ALDH3B1: variants seen among roughly 807,000 people sequenced by gnomAD.
The protein encoded by ALDH3B1 is aldehyde dehydrogenase 3 family member B1, also known as aldehyde dehydrogenase family 3 member B1.
In ALDH3B1, 37 loss-of-function variants were observed where a neutral mutation model predicts 46.2. The ratio of observed to expected loss-of-function variants is 0.80; its 90% CI spans 0.62 to 1.05. The LOEUF (loss-of-function observed/expected upper bound fraction) is 1.05, where lower values mean the gene tolerates loss of function less well. ALDH3B1 is among the 50% of genes least tolerant of loss of function. ALDH3B1 has a pLI of 0.00. For missense variants in ALDH3B1, 603 were observed against 665.5 expected (o/e 0.91, Z 1.03); for synonymous variants, 283 against 281.0 (o/e 1.01, Z -0.07).
At chr11:68,019,841 C>CCCCTG in intron 6 of ALDH3B1, 45 bp downstream of exon 6, 1 of 1,593,448 alleles carries the variant, frequency 6.3e-7, no homozygotes, top group Non-Finnish European at 8.6e-7. Context: ...TCGGGGAGGA[C>CCCCTG]AGCTGCTCAG....
intron 9 of ALDH3B1, among the ~76,000 whole-genome samples, chr11:68,027,141 G>A (rs964101366): frequency 3.9e-5 from 6 of 152,006 alleles, no homozygotes; most frequent in Admixed American, 2.6e-4. Flanking sequence ...CACACCGCAT[G>A]GCACCCACCT....
intron 2 of ALDH3B1, chr11:68,018,312 G>A (rs769093421): frequency 3.5e-6 from 2 of 572,022 alleles, no homozygotes; most frequent in Non-Finnish European, 3.1e-6. Context: ...TGGAACGACT[G>A]CCCCCTGCAA....
intron 9 of ALDH3B1, 120 bp downstream of exon 9, chr11:68,026,228 G>A (rs976495900): frequency 1.6e-5 from 14 of 870,610 alleles, no homozygotes; most frequent in Non-Finnish European, 2.2e-5. Context: ...AGGCAAGGAG[G>A]CCTCACCCCA....
intron 9 of ALDH3B1, among the ~76,000 whole-genome samples, chr11:68,027,302 C>T (rs931285846): frequency 3.3e-5 from 5 of 152,182 alleles, no homozygotes; most frequent in Non-Finnish European, 5.9e-5. Context: ...CCTGGGGCCT[C>T]GTCTGCCTCC....
chr11:68,027,099 T>A (rs1051078721), intron 9 of ALDH3B1, among the ~76,000 whole-genome samples: 1 of 151,696 alleles, frequency 6.6e-6, no homozygotes, highest in Non-Finnish European at 1.5e-5. Flanking sequence ...CACCTGCTGC[T>A]CCCACAGCCT....
rs1854630516 is a variant in ALDH3B1 at position 68,028,196 on chromosome 11, C to A, written c.*257C>A. The A allele has an allele frequency of 1.6e-5, 11 of 668,084 alleles. No homozygotes were observed. The highest frequency in any genetic ancestry group is 1.6e-4 in the South Asian group (11 of 66,876). 41.4% of individuals were successfully genotyped at this position (668,084 alleles called of 1,614,324 possible). On this transcript the variant is annotated 3_prime_UTR_variant, in exon 10 of 10. Transcript: ENST00000342456. ...CAGTGACTCACCCCCTGCCCCCGCA[C>A]CAACCACCCATATTCAGGAGAAGAG...
intron 1 of ALDH3B1, chr11:68,014,980 C>T (rs1417787253): frequency 9.6e-6 from 3 of 313,536 alleles, no homozygotes; most frequent in African/African-American, 2.1e-5. Context: ...TGCTCACCCT[C>T]GGGGGCTGTG....
chr11:68,023,992 G>A lies in ALDH3B1; in HGVS notation c.1116+1231G>A, dbSNP rs190319593. Among the ~76,000 whole-genome samples the A allele has an allele frequency of 5.5e-4, 83 of 150,370 alleles. 1 individual carries two copies. In the East Asian group the frequency reaches 0.013, roughly 23 times the overall value. On this transcript the variant is annotated intron_variant, in intron 8 of 9. Coordinates refer to ENST00000342456, the MANE Select transcript of ALDH3B1 (RefSeq NM_000694.4). ...CCATAAAAAAAAAAAAAAAGTGACA[G>A]CAGTGCTTTACTATTAACTACACTC... is the stretch of plus-strand genomic sequence containing the variant.
At chr11:68,021,435 C>T (rs547182141) in intron 6 of ALDH3B1, 50 bp from the exon 7 acceptor site, 11 of 1,568,808 alleles carry the variant, frequency 7.0e-6, no homozygotes, top group Middle Eastern at 1.8e-4. Context: ...TGGGCCATCC[C>T]GCCTGGTCCA....
intron 2 of ALDH3B1, 134 bp downstream of exon 2, chr11:68,015,593 G>A: frequency 8.7e-7 from 1 of 1,150,924 alleles, no homozygotes; most frequent in Non-Finnish European, 1.3e-6. Context: ...CTAGGCCAGA[G>A]CCACCCTTGC....
chr11:68,014,217 G>A (rs1857292477), intron 1 of ALDH3B1, among the ~76,000 whole-genome samples: 1 of 152,226 alleles, frequency 6.6e-6, no homozygotes, highest in Non-Finnish European at 1.5e-5. Flanking sequence ...TAAGGGAGAT[G>A]TGGACAGGGT....
rs1854625972 is a variant in ALDH3B1 at position 68,028,058 on chromosome 11, C to T, written c.*119C>T. 1 of 1,353,694 alleles carries T rather than the reference C, an allele frequency of 7.4e-7. No homozygotes were observed. The highest frequency in any genetic ancestry group is 1.0e-6 in the Non-Finnish European group (1 of 957,940). 83.9% of individuals were successfully genotyped at this position (1,353,694 alleles called of 1,614,324 possible). A position where few individuals can be genotyped will look rare whatever the true frequency, so the allele number is the denominator to read the frequency against. ...AGGATTGCCAAGGCTCCAGGGCACC[C>T]CTCAAAGCAGCGCCTGCCTCCTCCC... On this transcript the variant is annotated 3_prime_UTR_variant, in exon 10 of 10. Transcript: ENST00000342456.
At chr11:68,012,579 C>T (rs1490247620) in intron 1 of ALDH3B1, among the ~76,000 whole-genome samples, 1 of 152,202 alleles carries the variant, frequency 6.6e-6, no homozygotes, top group Non-Finnish European at 1.5e-5. Context: ...AAGAGGCAGT[C>T]TCAGACCCCA....
intron 5 of ALDH3B1, 98 bp from the exon 6 acceptor site, chr11:68,019,617 C>T (rs1295598838): frequency 2.1e-5 from 28 of 1,350,956 alleles, no homozygotes; most frequent in African/African-American, 7.2e-5. Flanking sequence ...TCAGGCCAGG[C>T]GGGGTGGAGG....
chr11:68,021,862 C>A lies in ALDH3B1; in HGVS notation c.940C>A (p.Arg314Ser). The part of the protein sequence containing the change: ...AIGGQSDESD[R>S]YIAPTVLVDV... ...TGGGGGCCAGAGCGATGAGAGCGAT[C>A]GCTACATCGGTGAGTCCTGCTGCCC... The change falls in exon 7 of 10, where the codon CGC (arginine) becomes AGC (serine). Residue 314 changes from arginine to serine, a missense_variant. Physicochemically the swap from Arg to Ser is moderately radical, Grantham distance 110. Transcript: ENST00000342456. 2 of 1,604,022 alleles carry A rather than the reference C, an allele frequency of 1.2e-6. No homozygotes were observed. Among genetic ancestry groups the A allele is most frequent in the East Asian group, 2.2e-5 (1 of 44,844 alleles).
At position 68,027,830 on chromosome 11, in the gene ALDH3B1, C is replaced by T. The variant is rs760001254; in HGVS notation, c.1298C>T (p.Pro433Leu). ...SHHRACLLRSPGMEKLNALRY... is the reference protein window; with the variant it reads ...SHHRACLLRSLGMEKLNALRY... ...CATCGCGCCTGCCTCCTGCGCAGCC[C>T]GGGGATGGAGAAGCTCAACGCCCTC... is the stretch of plus-strand genomic sequence containing the variant. Residue 433 changes from proline to leucine, a missense_variant, in exon 10 of 10, where the codon CCG becomes CTG. Transcript: ENST00000342456. The T allele has an allele frequency of 1.0e-4, 159 of 1,556,028 alleles. No individual in the cohort carries two copies. Among genetic ancestry groups the T allele is most frequent in the Non-Finnish European group, 1.3e-4 (150 of 1,149,746 alleles).
chr11:68,021,973 G>A (rs1744349920), intron 7 of ALDH3B1, 102 bp downstream of exon 7: 7 of 1,504,156 alleles, frequency 4.7e-6, no homozygotes, highest in Non-Finnish European at 6.2e-6. Flanking sequence ...CTGAAACCTG[G>A]CCCCACTGCC....
At position 68,028,431 on chromosome 11, in the gene ALDH3B1, C is replaced by T; in HGVS notation, c.*492C>T. The T allele has an allele frequency of 3.9e-6, 1 of 257,872 alleles. No homozygotes were observed. Among genetic ancestry groups the T allele is most frequent in the South Asian group, 4.0e-5 (1 of 24,872 alleles). The allele number at this position is 257,872 out of a possible 1,614,324, so 16.0% of individuals were successfully genotyped here. ...GCGGCTCACACCTGTAATCCCAGCA[C>T]TTTGGGAGGCCGAGGCAGGCGGATC... On this transcript the variant is annotated 3_prime_UTR_variant, in exon 10 of 10. Transcript: ENST00000342456.
At chr11:68,020,824 C>T (rs761626109) in intron 6 of ALDH3B1, among the ~76,000 whole-genome samples, 6 of 152,212 alleles carry the variant, frequency 3.9e-5, no homozygotes, top group African/African-American at 1.2e-4. Flanking sequence ...GACGCAGCAG[C>T]GTGGTCCCCG....
Sources: gnomAD v4.1 joint callset for allele counts (sites outside exome capture counted in the v4.1 genomes callset) on GRCh38, gnomAD v4.1.1 for gene constraint, MANE v1.5 for transcripts, NCBI Gene and HGNC (gene_info 2026-07-23, HGNC 2026-07-21) for gene names.